The following TBC1D31 variants were observed in gnomAD, a reference collection of about 807,000 sequenced individuals.
TBC1D31 encodes the protein WD repeat domain 67.
In TBC1D31, 99 loss-of-function variants were observed where a neutral mutation model predicts 132.9. The ratio of observed to expected loss-of-function variants is 0.74; its 90% confidence interval spans 0.63 to 0.88. TBC1D31 has a LOEUF of 0.88. Among genes scored for constraint, TBC1D31 ranks in the 40% least tolerant of loss-of-function variants. The pLI, the probability that TBC1D31 is intolerant of heterozygous loss-of-function variation, is 0.00. For synonymous variants in TBC1D31, 385 were observed against 419.4 expected (o/e 0.92, Z 1.00); for missense variants, 1,134 against 1,256.6 (o/e 0.90, Z 1.48).
chr8:123,112,709 G>C (rs1471896889), intron 10 of TBC1D31, among the ~76,000 whole-genome samples: 1 of 152,112 alleles, frequency 6.6e-6, no homozygotes, highest in Non-Finnish European at 1.5e-5. Context: ...TCTATTAAGT[G>C]TATCTTTGGA....
intron 4 of TBC1D31, among the ~76,000 whole-genome samples, chr8:123,088,473 TG>T (rs1361822816): frequency 6.6e-6 from 1 of 152,098 alleles, no homozygotes. Context: ...AGACTAGAGA[TG>T]GGCCAGGTGA....
At chr8:123,083,991 T>C in intron 3 of TBC1D31, 171 bp from the exon 4 acceptor site, 1 of 591,132 alleles carries the variant, frequency 1.7e-6, no homozygotes, top group Admixed American at 3.0e-5. Context: ...ACATGTTCCG[T>C]CATACACTTT....
chr8:123,164,675 T>C, the TBC1D31 span, among the ~76,000 whole-genome samples: 2 of 151,058 alleles, frequency 1.3e-5, no homozygotes, highest in Admixed American at 6.6e-5. Context: ...TGAGCTGAGA[T>C]AGCGCCAGTG....
At chr8:123,092,532 G>A (rs539766071) in intron 4 of TBC1D31, among the ~76,000 whole-genome samples, 200 of 152,186 alleles carry the variant, frequency 1.3e-3, no homozygotes, top group African/African-American at 4.6e-3. Flanking sequence ...AATATCAAAT[G>A]TTGGTGAAAG....
intron 7 of TBC1D31, among the ~76,000 whole-genome samples, chr8:123,101,903 A>G (rs1817458728): frequency 6.6e-6 from 1 of 152,138 alleles, no homozygotes; most frequent in Non-Finnish European, 1.5e-5. Context: ...TCATTTCTTA[A>G]CTAGTGCTAC....
the TBC1D31 span, among the ~76,000 whole-genome samples, chr8:123,160,681 C>A: frequency 6.6e-6 from 1 of 152,176 alleles, no homozygotes; most frequent in Non-Finnish European, 1.5e-5. Context: ...TAGGGACACA[C>A]CGCGCCACTA....
At chr8:123,152,626 T>C (rs1017498787), downstream of TBC1D31, among the ~76,000 whole-genome samples, 4 of 152,112 alleles carry the variant, frequency 2.6e-5, no homozygotes, top group Non-Finnish European at 5.9e-5. Context: ...ATCCCAGCAC[T>C]TTGGGAGGCT....
intron 2 of TBC1D31, among the ~76,000 whole-genome samples, chr8:123,081,271 A>G (rs1396231126): frequency 6.6e-6 from 1 of 151,936 alleles, no homozygotes; most frequent in Non-Finnish European, 1.5e-5. Context: ...TCCATATTTC[A>G]GGTACTCTTT....
intron 20 of TBC1D31, among the ~76,000 whole-genome samples, chr8:123,148,974 G>A (rs1204753342): frequency 6.6e-6 from 1 of 152,032 alleles, no homozygotes; most frequent in Non-Finnish European, 1.5e-5. Context: ...TTGAACCCAG[G>A]AGGTGGAGGT....
chr8:123,159,244 T>C, the TBC1D31 span, among the ~76,000 whole-genome samples: 1 of 148,886 alleles, frequency 6.7e-6, no homozygotes, highest in South Asian at 2.1e-4. Context: ...TCCACAGTTA[T>C]TCCCTGAAGT....
At chr8:123,126,299 T>G in intron 12 of TBC1D31, 110 bp downstream of exon 12, 1 of 1,370,574 alleles carries the variant, frequency 7.3e-7, no homozygotes, top group East Asian at 2.3e-5. Context: ...ATACTACATG[T>G]TGTATTTTTA....
At chr8:123,135,441 A>C (rs1452294604) in intron 17 of TBC1D31, among the ~76,000 whole-genome samples, 1 of 152,198 alleles carries the variant, frequency 6.6e-6, no homozygotes, top group Non-Finnish European at 1.5e-5. Context: ...CTCTACTAGA[A>C]ATACAAAGAA....
rs756099623 is a variant in TBC1D31, at chr8:123,126,070, C to T, written c.1585C>T (p.His529Tyr). ...TTCCTTCATAGTCAATTGGTGTCAA[C>T]ACTGGTTTGAATATTTTCCTAATCC... Reference protein sequence around the residue: ...IATLIINWCQHWFEYFPNPPI... With the variant: ...IATLIINWCQYWFEYFPNPPI... The change falls in exon 12 of 22, where the codon CAC becomes TAC. Residue 529 changes from histidine to tyrosine, a missense_variant. His to Tyr is a moderately conservative substitution (Grantham distance 83). Transcript: ENST00000287380. The T allele has an allele frequency of 7.5e-6, 12 of 1,603,282 alleles. 1 individual carries two copies. In the South Asian group the frequency reaches 1.4e-4, roughly 18 times the overall value.
chr8:123,104,863 T>A (rs979576896), intron 7 of TBC1D31, among the ~76,000 whole-genome samples: 1 of 152,200 alleles, frequency 6.6e-6, no homozygotes, highest in Admixed American at 6.5e-5. Flanking sequence ...ATTTGGCAGT[T>A]TCCTCTTAGA....
intron 20 of TBC1D31, among the ~76,000 whole-genome samples, chr8:123,145,225 G>A (rs1178914726): frequency 6.6e-6 from 1 of 152,170 alleles, no homozygotes; most frequent in Non-Finnish European, 1.5e-5. Flanking sequence ...TGCCTGGCCA[G>A]TGAATAAATT....
At chr8:123,138,404 C>T (rs987354768) in intron 17 of TBC1D31, among the ~76,000 whole-genome samples, 1 of 152,028 alleles carries the variant, frequency 6.6e-6, no homozygotes, top group African/African-American at 2.4e-5. Context: ...GGTAATTATG[C>T]TGTCTATAGA....
intron 14 of TBC1D31, 108 bp from the exon 15 acceptor site, chr8:123,128,958 C>T: frequency 1.5e-6 from 1 of 688,552 alleles, no homozygotes; most frequent in Non-Finnish European, 2.2e-6. Context: ...ATAGTTAATT[C>T]TTGCATATGG....
At chr8:123,095,351 A>G (rs1190200423) in intron 5 of TBC1D31, among the ~76,000 whole-genome samples, 1 of 152,138 alleles carries the variant, frequency 6.6e-6, no homozygotes, top group Non-Finnish European at 1.5e-5. Flanking sequence ...TTTCTTCTTC[A>G]CTTATTAGTT....
chr8:123,097,767 A>G (rs1217650988), intron 6 of TBC1D31: 1 of 177,708 alleles, frequency 5.6e-6, no homozygotes, highest in Non-Finnish European at 1.2e-5. Flanking sequence ...TCCCCATTTT[A>G]CAGATTATAA....
Sources: allele counts gnomAD v4.1 joint callset (sites outside exome capture counted in the v4.1 genomes callset), GRCh38; gene constraint gnomAD v4.1.1; transcripts MANE v1.5; gene names NCBI Gene and HGNC (gene_info 2026-07-23, HGNC 2026-07-21).